Variants in DMD observed in about 807,000 individuals in gnomAD.
DMD encodes mutant dystrophin.
In DMD, 63 loss-of-function variants were observed where a neutral mutation model predicts 330.1. The ratio of observed to expected loss-of-function variants is 0.19; its 90% CI spans 0.16 to 0.24. DMD has a LOEUF of 0.24. DMD is among the 10% of genes least tolerant of loss of function. The pLI, the probability that DMD is intolerant of heterozygous loss-of-function variation, is 1.00. For missense variants in DMD, 3,344 were observed against 2,684.1 expected (o/e 1.25, Z -5.43); for synonymous variants, 1,223 against 959.8 (o/e 1.27, Z -5.07).
Position 32,728,643 on chromosome X carries a change from T to A in DMD, c.650-29350A>T, listed in dbSNP as rs138997311. Among the ~76,000 whole-genome samples the A allele has an allele frequency of 3.8e-3, 424 of 112,313 alleles. 1 individual carries two copies. Among genetic ancestry groups the A allele is most frequent in the African/African-American group, 0.013 (401 of 30,993 alleles). On this transcript the variant is annotated intron_variant, in intron 7 of 78. Transcript: ENST00000357033. ...TTTCACCTTGGCCTATGAGAAAATG[T>A]GATAGTTATGGTATTAATTGATATT...
chrX:33,204,181 T>G (rs2051435420), intron 1 of DMD, among the ~76,000 whole-genome samples: 1 of 111,730 alleles, frequency 9.0e-6, no homozygotes, highest in Non-Finnish European at 1.9e-5. Context: ...TACATCAGTT[T>G]TCTACCTGAA....
intron 20 of DMD, among the ~76,000 whole-genome samples, chrX:32,489,194 C>T (rs976678933): frequency 2.7e-5 from 3 of 111,253 alleles, no homozygotes; most frequent in Non-Finnish European, 5.6e-5. Flanking sequence ...TGAATGCCCA[C>T]TCTAATATTC....
intron 50 of DMD, among the ~76,000 whole-genome samples, chrX:31,803,740 C>T (rs1376900349): frequency 1.9e-5 from 2 of 107,400 alleles, no homozygotes; most frequent in Non-Finnish European, 1.9e-5. Context: ...ACTCTTGTTG[C>T]CCAGGCTGGA....
chrX:32,669,412 C>G (rs1304752355), intron 9 of DMD, among the ~76,000 whole-genome samples: 5 of 111,684 alleles, frequency 4.5e-5, no homozygotes, highest in African/African-American at 1.6e-4. Context: ...TAAGGAAACT[C>G]TTAAATCGTA....
chrX:32,781,825 G>A (rs997580768), intron 7 of DMD, among the ~76,000 whole-genome samples: 1 of 111,131 alleles, frequency 9.0e-6, no homozygotes, highest in Non-Finnish European at 1.9e-5. Flanking sequence ...GCTCACTAAA[G>A]ATTTTAAGAT....
At chrX:32,782,612 G>C (rs1004780257) in intron 7 of DMD, among the ~76,000 whole-genome samples, 4 of 111,490 alleles carry the variant, frequency 3.6e-5, no homozygotes, top group Non-Finnish European at 7.5e-5. Context: ...GGTTGTACAG[G>C]TGGAGAGGTA....
At chrX:31,382,878 ATTTTG>A (rs1258097855) in intron 60 of DMD, among the ~76,000 whole-genome samples, 14 of 110,902 alleles carry the variant, frequency 1.3e-4, no homozygotes, top group East Asian at 5.7e-4. Flanking sequence ...CTTCAACACT[ATTTTG>A]TTTTATTTTT....
chrX:32,668,593 A>G (rs898362407), intron 9 of DMD, among the ~76,000 whole-genome samples: 1 of 111,768 alleles, frequency 8.9e-6, no homozygotes, highest in Admixed American at 9.5e-5. Flanking sequence ...TTATCATATG[A>G]ATAGTGGAAT....
intron 52 of DMD, among the ~76,000 whole-genome samples, chrX:31,688,279 A>C (rs1051325694): frequency 9.0e-6 from 1 of 111,235 alleles, no homozygotes; most frequent in African/African-American, 3.3e-5. Flanking sequence ...AAAAATGATA[A>C]AGGGGATATC....
intron 53 of DMD, among the ~76,000 whole-genome samples, chrX:31,675,597 G>C (rs1462222530): frequency 9.0e-6 from 1 of 111,147 alleles, no homozygotes; most frequent in East Asian, 2.8e-4. Context: ...TCCTGATCTC[G>C]TGATCTGCCT....
chrX:31,472,784 A>C (rs1246644504), intron 59 of DMD, among the ~76,000 whole-genome samples: 2 of 112,523 alleles, frequency 1.8e-5, no homozygotes, highest in Non-Finnish European at 3.8e-5. Flanking sequence ...TTTGAATGCC[A>C]AAAAAGGTTT....
At chrX:31,320,994 T>G (rs2148273033) in intron 62 of DMD, among the ~76,000 whole-genome samples, 1 of 111,438 alleles carries the variant, frequency 9.0e-6, no homozygotes, top group Admixed American at 9.5e-5. Context: ...AATCCTAAAT[T>G]ATATACCAAG....
Position 31,925,993 on chromosome X carries a change from T to C in DMD, c.6912+3603A>G, listed in dbSNP as rs777700750. Among the ~76,000 whole-genome samples, 14 of 108,207 alleles carry C rather than the reference T, an allele frequency of 1.3e-4. No homozygotes were observed. In the South Asian group the frequency reaches 5.2e-3, roughly 40 times the overall value. The allele number at this position is 108,207 out of a possible 115,157, so 94.0% of individuals were successfully genotyped here. On this transcript the variant is annotated intron_variant, in intron 47 of 78. Coordinates refer to ENST00000357033, the MANE Select transcript of DMD (RefSeq NM_004006.3). ...AAGTGAGAAACACAGAGGAAGAGAG[T>C]GATGATGATGGCGAGAGAGCCTCCT... is the stretch of plus-strand genomic sequence containing the variant.
At chrX:31,130,069 T>C (rs2034279544) in intron 77 of DMD, among the ~76,000 whole-genome samples, 1 of 111,558 alleles carries the variant, frequency 9.0e-6, no homozygotes, top group African/African-American at 3.3e-5. Context: ...CTGGATTGTT[T>C]TACTGCATTA....
intron 2 of DMD, among the ~76,000 whole-genome samples, chrX:32,947,342 T>C (rs1395147642): frequency 8.9e-6 from 1 of 112,404 alleles, no homozygotes; most frequent in African/African-American, 3.2e-5. Flanking sequence ...GTTGTATTAA[T>C]TCTTTTTTTC....
intron 44 of DMD, among the ~76,000 whole-genome samples, chrX:32,182,256 C>G (rs1244208946): frequency 8.9e-6 from 1 of 112,184 alleles, no homozygotes; most frequent in African/African-American, 3.2e-5. Context: ...AAATGAAAAG[C>G]CTTTAGACTA....
At chrX:33,288,175 A>G (rs1197313428) in intron 1 of DMD, among the ~76,000 whole-genome samples, 1 of 111,747 alleles carries the variant, frequency 8.9e-6, no homozygotes, top group Non-Finnish European at 1.9e-5. Context: ...CGAAGTGGTG[A>G]TGTAATATCC....
intron 2 of DMD, among the ~76,000 whole-genome samples, chrX:32,862,935 C>CA (rs1240018387): frequency 1.8e-5 from 2 of 110,383 alleles, no homozygotes; most frequent in South Asian, 7.9e-4. Flanking sequence ...GACGGGGTTT[C>CA]ACCTTGTTAG....
chrX:31,927,202 A>C (rs1457899818), intron 47 of DMD, among the ~76,000 whole-genome samples: 1 of 112,207 alleles, frequency 8.9e-6, no homozygotes, highest in Non-Finnish European at 1.9e-5. Flanking sequence ...AATGGCAAAG[A>C]CATTGCATTA....
Sources: gnomAD v4.1 joint callset for allele counts (sites outside exome capture counted in the v4.1 genomes callset) on GRCh38, gnomAD v4.1.1 for gene constraint, MANE v1.5 for transcripts, NCBI Gene and HGNC (gene_info 2026-07-23, HGNC 2026-07-21) for gene names.